Variants in ZCCHC10 observed in about 807,000 individuals in gnomAD.
ZCCHC10 encodes the protein zinc finger CCHC-type containing 10, also known as zinc finger CCHC domain-containing protein 10.
ZCCHC10 carries 16 observed loss-of-function variants against 19.5 expected under a neutral mutation model. That is an observed-to-expected ratio of 0.82 (90% CI 0.56 to 1.25). ZCCHC10 has a LOEUF of 1.25. Among genes scored for constraint, ZCCHC10 ranks in the 50% most tolerant of loss-of-function variants. The probability of loss-of-function intolerance (pLI) is 0.00; values close to 1 mark genes in which losing one functional copy is unlikely to be tolerated. For missense variants in ZCCHC10, 197 were observed against 201.0 expected, an observed-to-expected ratio of 0.98 and a Z score of 0.12; for synonymous variants, 67 against 72.5, an observed-to-expected ratio of 0.92 and a Z score of 0.38.
chr5:133,006,344 T>A (rs375265138), intron 3 of ZCCHC10, among the ~76,000 whole-genome samples: 1 of 152,176 alleles, frequency 6.6e-6, no homozygotes, highest in Non-Finnish European at 1.5e-5. Flanking sequence ...GCTTTCCATG[T>A]CAGCTCATAT....
In ZCCHC10 at chr5:133,006,866, C is replaced by A. The variant is rs1422476101; in HGVS notation, c.162G>T (p.Trp54Cys). ...TTCTTTTTCCTGTGCATTCATAAGT[C>A]CAATGTCCAAATTCCAAGCATTTCT... ...RCQKCLEFGH[W>C]TYECTGKRKY... Residue 54 changes from tryptophan (W) to cysteine (C), a missense_variant, in exon 3 of 5, where the codon TGG (tryptophan) becomes TGT (cysteine). By Grantham distance (215) the Trp-to-Cys change is radical. Coordinates refer to ENST00000509437, the MANE Select transcript of ZCCHC10 (RefSeq NM_001300816.3). 2 of 1,612,886 alleles carry A rather than the reference C, an allele frequency of 1.2e-6. No homozygotes were observed. Among genetic ancestry groups the A allele is most frequent in the South Asian group, 2.2e-5 (2 of 90,830 alleles).
intron 2 of ZCCHC10, among the ~76,000 whole-genome samples, chr5:133,017,182 T>C (rs1185197718): frequency 6.6e-6 from 1 of 152,162 alleles, no homozygotes; most frequent in East Asian, 1.9e-4. Context: ...CTCTGCAACC[T>C]GCTGACATCA....
chr5:133,026,523 C>G lies in ZCCHC10; in HGVS notation c.15G>C (p.Met5Ile). The G allele has an allele frequency of 6.2e-7, 1 of 1,613,760 alleles. No individual in the cohort carries two copies. Among genetic ancestry groups the G allele is most frequent in the Non-Finnish European group, 8.5e-7 (1 of 1,179,920 alleles). MATP[M>I]HRLIARRQAF... ...CTTGTCTCCGGGCTATTAGCCGATG[C>G]ATGGGAGTCGCCATCTTAGCGCGGT... Residue 5 changes from methionine to isoleucine, a missense_variant, in exon 1 of 5, where the codon ATG (methionine) becomes ATC (isoleucine). Met to Ile is a conservative substitution (Grantham distance 10). Transcript: ENST00000509437.
intron 2 of ZCCHC10, among the ~76,000 whole-genome samples, chr5:133,016,436 T>G (rs1763924061): frequency 6.6e-6 from 1 of 152,328 alleles, no homozygotes; most frequent in Admixed American, 6.5e-5. Context: ...AATTATTATT[T>G]ATTTTTCTCT....
chr5:133,000,350 TGTATACGGTAC>T, intron 3 of ZCCHC10, 177 bp from the exon 4 acceptor site: 2 of 658,448 alleles, frequency 3.0e-6, no homozygotes, highest in Non-Finnish European at 5.0e-6. Context: ...CATTGTAGGC[TGTATACGGTAC>T]ATGCAGTCAA....
chr5:133,013,394 A>C (rs1348845974), intron 2 of ZCCHC10, among the ~76,000 whole-genome samples: 1 of 152,134 alleles, frequency 6.6e-6, no homozygotes, highest in Non-Finnish European at 1.5e-5. Flanking sequence ...AAAGACTAAA[A>C]ATAAAAACTA....
intron 3 of ZCCHC10, among the ~76,000 whole-genome samples, chr5:133,005,736 C>G (rs1169169465): frequency 6.6e-6 from 1 of 152,100 alleles, no homozygotes; most frequent in Non-Finnish European, 1.5e-5. Flanking sequence ...GTATACCTTT[C>G]TTTTGTGAGA....
At chr5:133,021,176 T>C (rs1173673050) in intron 2 of ZCCHC10, among the ~76,000 whole-genome samples, 1 of 152,054 alleles carries the variant, frequency 6.6e-6, no homozygotes, top group African/African-American at 2.4e-5. Context: ...ATTACAGGCG[T>C]GAGCCACCGC....
intron 3 of ZCCHC10, among the ~76,000 whole-genome samples, chr5:133,005,672 T>C (rs1763074292): frequency 6.9e-6 from 1 of 145,834 alleles, no homozygotes; most frequent in African/African-American, 2.6e-5. Flanking sequence ...TTCTGCCATC[T>C]AGGTTTTTAT....
At chr5:133,014,849 T>C (rs1318856785) in intron 2 of ZCCHC10, among the ~76,000 whole-genome samples, 1 of 152,218 alleles carries the variant, frequency 6.6e-6, no homozygotes, top group East Asian at 1.9e-4. Context: ...TAATGCGTGA[T>C]TACACAAGGG....
intron 1 of ZCCHC10, among the ~76,000 whole-genome samples, chr5:133,023,353 C>T (rs1232501271): frequency 2.6e-5 from 4 of 151,442 alleles, no homozygotes; most frequent in African/African-American, 4.8e-5. Context: ...TCAATTATTT[C>T]ATTCCAATTG....
chr5:133,011,534 G>A (rs1327960780), intron 2 of ZCCHC10: 2 of 148,598 alleles, frequency 1.3e-5, no homozygotes, highest in African/African-American at 2.5e-5. Flanking sequence ...GCTGAGGCAG[G>A]AGAATTGCTT....
intron 2 of ZCCHC10, among the ~76,000 whole-genome samples, chr5:133,015,216 T>C (rs1433731649): frequency 6.6e-6 from 1 of 151,692 alleles, no homozygotes; most frequent in East Asian, 1.9e-4. Flanking sequence ...GTAGCTGGGA[T>C]TACAGGTGCG....
chr5:133,008,572 G>A (rs113626414), intron 2 of ZCCHC10, among the ~76,000 whole-genome samples: 4,234 of 150,546 alleles, frequency 0.028, 206 homozygotes, highest in African/African-American at 0.099. Context: ...AATCAACAAG[G>A]GGGTCAAGCT....
intron 2 of ZCCHC10, among the ~76,000 whole-genome samples, chr5:133,020,813 C>T (rs1406101559): frequency 3.9e-5 from 6 of 151,968 alleles, no homozygotes; most frequent in South Asian, 4.2e-4. Context: ...CTCCATCTCC[C>T]GGGTTCATGC....
At position 133,018,094 on chromosome 5, in the gene ZCCHC10, G is replaced by A. The variant is rs138551188; in HGVS notation, c.107+4747C>T. On this transcript the variant is annotated intron_variant, in intron 2 of 4. Transcript: ENST00000509437. ...CAGGAGGCGGAGGGTGCAGTGAGCC[G>A]AGATCGCACCACAGCACTCCAGTCT... Among the ~76,000 whole-genome samples, 284 of 148,314 alleles carry A rather than the reference G, an allele frequency of 1.9e-3. 6 individuals carry two copies. The highest frequency in any genetic ancestry group is 3.9e-3 in the African/African-American group (158 of 40,138).
At chr5:133,026,440 G>A in intron 1 of ZCCHC10, 57 bp downstream of exon 1, 1 of 1,602,340 alleles carries the variant, frequency 6.2e-7, no homozygotes. Context: ...CCAGCCCGTT[G>A]ACGCGCGTTT....
intron 2 of ZCCHC10, among the ~76,000 whole-genome samples, chr5:133,017,576 C>T (rs898228133): frequency 1.3e-5 from 2 of 152,032 alleles, no homozygotes; most frequent in African/African-American, 2.4e-5. Flanking sequence ...CACTATGTTT[C>T]CTAGGCTGGT....
At chr5:133,009,819 G>A (rs1763379015) in intron 2 of ZCCHC10, among the ~76,000 whole-genome samples, 1 of 151,910 alleles carries the variant, frequency 6.6e-6, no homozygotes. Context: ...AGAAACTTCA[G>A]CCAACTTCTA....
Sources: allele counts gnomAD v4.1 joint callset (sites outside exome capture counted in the v4.1 genomes callset), GRCh38; gene constraint gnomAD v4.1.1; transcripts MANE v1.5; gene names NCBI Gene and HGNC (gene_info 2026-07-23, HGNC 2026-07-21).